PRDM16: variants seen among roughly 807,000 people sequenced by gnomAD.
PRDM16 encodes histone-lysine N-methyltransferase PRDM16.
In PRDM16, 23 loss-of-function variants were observed where a neutral mutation model predicts 110.6. That is an observed-to-expected ratio of 0.21 (90% CI 0.15 to 0.29). The LOEUF (loss-of-function observed/expected upper bound fraction) is 0.29. Among genes scored for constraint, PRDM16 ranks in the 10% least tolerant of loss-of-function variants. PRDM16 has a pLI of 1.00. For missense variants in PRDM16, 1,615 were observed against 1,794.3 expected (o/e 0.90, Z 1.81); for synonymous variants, 799 against 781.8 (o/e 1.02, Z -0.37).
At chr1:3,118,202 C>G (rs573755529) in intron 1 of PRDM16, among the ~76,000 whole-genome samples, 1 of 151,910 alleles carries the variant, frequency 6.6e-6, no homozygotes, top group African/African-American at 2.4e-5. Context: ...CATGTACACA[C>G]GCACACACGC....
intron 3 of PRDM16, among the ~76,000 whole-genome samples, chr1:3,316,345 G>T (rs1306997469): frequency 6.6e-6 from 1 of 152,154 alleles, no homozygotes; most frequent in Non-Finnish European, 1.5e-5. Context: ...ATTTCTTAAG[G>T]CAGGATCTCG....
chr1:3,343,160 G>C (rs888599161), intron 3 of PRDM16, among the ~76,000 whole-genome samples: 2 of 150,530 alleles, frequency 1.3e-5, no homozygotes, highest in Admixed American at 1.3e-4. Flanking sequence ...CCGACACTTA[G>C]TGTAGTCAGT....
At chr1:3,162,708 G>A (rs566859065) in intron 1 of PRDM16, among the ~76,000 whole-genome samples, 4 of 152,346 alleles carry the variant, frequency 2.6e-5, no homozygotes, top group South Asian at 2.1e-4. Flanking sequence ...AGGCTCGGTC[G>A]GCAGCCACGC....
intron 12 of PRDM16, chr1:3,424,891 G>A (rs1638547600): frequency 6.6e-6 from 1 of 152,316 alleles, no homozygotes; most frequent in African/African-American, 2.4e-5. Flanking sequence ...GAGGCTGCAA[G>A]GAGCATGTCG....
chr1:3,114,190 C>G (rs1432142056), intron 1 of PRDM16, among the ~76,000 whole-genome samples: 1 of 103,300 alleles, frequency 9.7e-6, no homozygotes, highest in Non-Finnish European at 1.9e-5. Context: ...CACACGCACA[C>G]ACGCACACGC....
intron 1 of PRDM16, among the ~76,000 whole-genome samples, chr1:3,154,496 C>T (rs1643829519): frequency 1.3e-5 from 2 of 152,220 alleles, no homozygotes; most frequent in African/African-American, 2.4e-5. Flanking sequence ...GTGGGCAGCA[C>T]ACTCCTCCCG....
At position 3,431,067 on chromosome 1, in the gene PRDM16, G is replaced by A. The variant is rs991074225; in HGVS notation, c.3480G>A (p.Glu1160=). Residue 1160 remains glutamate, a synonymous_variant, in exon 15 of 17, where the codon GAG becomes GAA. Coordinates refer to ENST00000270722, the MANE Select transcript of PRDM16 (RefSeq NM_022114.4). ...QAAYEDEEDE[E]PAASLAVGFD... Reference sequence around the variant, plus strand: ...CCTACGAGGATGAGGAGGATGAGGAGCCAGCCGCCTCCCTGGCCGTGGGCT... The same window carrying A: ...CCTACGAGGATGAGGAGGATGAGGAACCAGCCGCCTCCCTGGCCGTGGGCT... The A allele has an allele frequency of 1.3e-5, 20 of 1,554,190 alleles. No individual in the cohort carries two copies. The highest frequency in any genetic ancestry group is 6.8e-5 in the African/African-American group (5 of 73,450).
At chr1:3,088,148 C>T (rs578249444) in intron 1 of PRDM16, among the ~76,000 whole-genome samples, 145 of 152,210 alleles carry the variant, frequency 9.5e-4, no homozygotes, top group African/African-American at 3.3e-3. Context: ...CCGCTGCTGC[C>T]GGTGCAGCTT....
At chr1:3,338,930 C>T (rs978671249) in intron 3 of PRDM16, among the ~76,000 whole-genome samples, 2 of 152,178 alleles carry the variant, frequency 1.3e-5, no homozygotes, top group South Asian at 2.1e-4. Flanking sequence ...CTTTTCTGTG[C>T]GGCTGTGCTG....
intron 1 of PRDM16, among the ~76,000 whole-genome samples, chr1:3,118,066 CAT>C (rs1013427046): frequency 2.0e-5 from 3 of 149,468 alleles, no homozygotes; most frequent in Non-Finnish European, 4.4e-5. Context: ...TGTGTACATG[CAT>C]GTGTGTGTGC....
chr1:3,285,295 G>A (rs539321497), intron 3 of PRDM16, among the ~76,000 whole-genome samples: 13 of 152,228 alleles, frequency 8.5e-5, no homozygotes, highest in East Asian at 1.9e-4. Flanking sequence ...CCACCTGGGC[G>A]TTCTGATTAC....
Position 3,418,000 on chromosome 1 carries a change from G to A in PRDM16, c.2861+3G>A, listed in dbSNP as rs529148259. 3 of 1,609,576 alleles carry A rather than the reference G, an allele frequency of 1.9e-6. No homozygotes were observed. The highest frequency in any genetic ancestry group is 1.3e-5 in the African/African-American group (1 of 74,974). On this transcript the variant is annotated splice_donor_region_variant and intron_variant, in intron 11 of 16. Transcript: ENST00000270722. ...GGCAAGGAGCGATACACGTGCAGGT[G>A]AGGGGCCCTTTGGTGCTGCTGGGAC...
intron 16 of PRDM16, among the ~76,000 whole-genome samples, chr1:3,433,146 G>A (rs912715440): frequency 6.6e-6 from 1 of 152,242 alleles, no homozygotes; most frequent in Non-Finnish European, 1.5e-5. Context: ...AAGGAGAGGA[G>A]GCTTCGAGGG....
At chr1:3,118,108 T>TGTGTGC (rs140253337) in intron 1 of PRDM16, among the ~76,000 whole-genome samples, 2,229 of 151,554 alleles carry the variant, frequency 0.015, 15 homozygotes, top group Middle Eastern at 0.027. Flanking sequence ...CATGCATGTG[T>TGTGTGC]GTGTGCGTGT....
intron 9 of PRDM16, among the ~76,000 whole-genome samples, chr1:3,413,494 T>A (rs992499489): frequency 4.6e-5 from 7 of 152,078 alleles, no homozygotes; most frequent in Non-Finnish European, 8.8e-5. Flanking sequence ...CTCCCTAGAA[T>A]GCAGGTGGGT....
chr1:3,164,146 C>T (rs1178030894), intron 1 of PRDM16, among the ~76,000 whole-genome samples: 2 of 152,270 alleles, frequency 1.3e-5, no homozygotes, highest in African/African-American at 2.4e-5. Context: ...TCATGAATTA[C>T]ACACCATGCA....
intron 1 of PRDM16, among the ~76,000 whole-genome samples, chr1:3,106,196 A>C (rs1274033964): frequency 3.3e-5 from 5 of 152,230 alleles, no homozygotes; most frequent in African/African-American, 1.2e-4. Flanking sequence ...TGTCTTCCAA[A>C]GAGAGCAGCC....
At chr1:3,268,692 A>T (rs1640356405) in intron 3 of PRDM16, among the ~76,000 whole-genome samples, 1 of 152,206 alleles carries the variant, frequency 6.6e-6, no homozygotes. Context: ...AGGGTGTGGG[A>T]ACCCCAGAGT....
Position 3,069,231 on chromosome 1 carries a change from G to A in PRDM16, c.-29G>A. ...GTGTGGCTGCTTCTGGACTCAAGGAGGAGGAGAGAGATTCCGCGAGCCGAC... is the reference window on the plus strand; with the variant it reads ...GTGTGGCTGCTTCTGGACTCAAGGAAGAGGAGAGAGATTCCGCGAGCCGAC... On this transcript the variant is annotated 5_prime_UTR_variant, in exon 1 of 17. Transcript: ENST00000270722. This position sits in a 1 kb window ranked among gnomAD's most constrained non-coding sequence, Gnocchi z 6.1. 6.3e-7 allele frequency: 1 copy of A among 1,579,144 alleles called. No homozygotes were observed. Among genetic ancestry groups the A allele is most frequent in the Non-Finnish European group, 8.6e-7 (1 of 1,162,954 alleles).
Sources: gnomAD v4.1 joint callset for allele counts (sites outside exome capture counted in the v4.1 genomes callset) on GRCh38, gnomAD v4.1.1 for gene constraint, Gnocchi (gnomAD v3.1) non-coding constraint, MANE v1.5 for transcripts, NCBI Gene and HGNC (gene_info 2026-07-23, HGNC 2026-07-21) for gene names.